The following BTBD9 variants were observed in gnomAD, a reference collection of about 807,000 sequenced individuals.
BTBD9 encodes BTB domain containing 9, also known as BTB/POZ domain-containing protein 9.
A neutral mutation model predicts 64.3 loss-of-function variants in BTBD9; 49 were observed. The ratio of observed to expected loss-of-function variants is 0.76; its 90% CI spans 0.61 to 0.97. The LOEUF is 0.97. Ranked by LOEUF, BTBD9 falls within the 50% of genes least tolerant of loss-of-function variation. BTBD9 has a pLI of 0.00. For synonymous variants in BTBD9, 260 were observed against 274.7 expected (o/e 0.95, Z 0.53); for missense variants, 598 against 762.1 (o/e 0.78, Z 2.53).
intron 7 of BTBD9, among the ~76,000 whole-genome samples, chr6:38,298,070 T>C (rs867728013): frequency 2.6e-4 from 39 of 152,048 alleles, no homozygotes; most frequent in Admixed American, 9.2e-4. Context: ...TTAGCCAGGA[T>C]GGTCTCGACC....
intron 9 of BTBD9, among the ~76,000 whole-genome samples, chr6:38,208,330 T>C (rs981536358): frequency 6.6e-6 from 1 of 152,156 alleles, no homozygotes; most frequent in African/African-American, 2.4e-5. Flanking sequence ...AGCTGCCCAC[T>C]GTCCCTCCAA....
rs1763013619 is a variant in BTBD9, at chr6:38,315,955, CTAA to C, written c.1265-27497_1265-27495del. Among the ~76,000 whole-genome samples, 3 of 152,226 alleles carry C rather than the reference CTAA, an allele frequency of 2.0e-5. No homozygotes were observed. The South Asian group carries it at 6.2e-4, about 32-fold the overall frequency. On this transcript the variant is annotated intron_variant, in intron 7 of 10. Coordinates refer to ENST00000481247, the MANE Select transcript of BTBD9 (RefSeq NM_001099272.2). Reference sequence around the variant, plus strand: ...TGTATTAGAGTCTCTCTCTTTAGCTCTAATAATATTTGCTTTATATATCAGGGT... The same window carrying C: ...TGTATTAGAGTCTCTCTCTTTAGCTCTAATATTTGCTTTATATATCAGGGT...
At chr6:38,291,441 C>T (rs187655249) in intron 7 of BTBD9, among the ~76,000 whole-genome samples, 1 of 152,188 alleles carries the variant, frequency 6.6e-6, no homozygotes, top group African/African-American at 2.4e-5. Flanking sequence ...CATCTGCAAA[C>T]AGAGACAATT....
intron 6 of BTBD9, among the ~76,000 whole-genome samples, chr6:38,413,453 AT>A (rs1279162622): frequency 6.6e-6 from 1 of 152,222 alleles, no homozygotes; most frequent in African/African-American, 2.4e-5. Flanking sequence ...CTTACACTGT[AT>A]AGGCCAAACA....
At chr6:38,251,255 A>G (rs923946859) in intron 9 of BTBD9, among the ~76,000 whole-genome samples, 1 of 151,076 alleles carries the variant, frequency 6.6e-6, no homozygotes, top group African/African-American at 2.4e-5. Context: ...AGTTAATAAA[A>G]GAGGTGTGAT....
intron 6 of BTBD9, among the ~76,000 whole-genome samples, chr6:38,363,490 G>T (rs538643497): frequency 1.7e-4 from 26 of 152,322 alleles, no homozygotes; most frequent in Non-Finnish European, 3.5e-4. Context: ...GGGGCAGAAG[G>T]ATGGCTTGAG....
intron 6 of BTBD9, among the ~76,000 whole-genome samples, chr6:38,416,636 G>A (rs772675788): frequency 2.0e-5 from 3 of 149,018 alleles, no homozygotes; most frequent in South Asian, 2.2e-4. Context: ...GAGCCACCAC[G>A]CCTGGCCCCC....
intron 8 of BTBD9, among the ~76,000 whole-genome samples, chr6:38,260,380 T>C (rs1261019952): frequency 1.3e-5 from 2 of 152,244 alleles, no homozygotes; most frequent in Non-Finnish European, 2.9e-5. Context: ...GAGCTAGGTT[T>C]ATCATATTCC....
At chr6:38,186,972 G>C (rs1038397391) in intron 10 of BTBD9, among the ~76,000 whole-genome samples, 1 of 152,212 alleles carries the variant, frequency 6.6e-6, no homozygotes. Context: ...AACAGGCGTA[G>C]CTTCTGTTTC....
intron 6 of BTBD9, among the ~76,000 whole-genome samples, chr6:38,529,022 T>C (rs1773653371): frequency 6.6e-6 from 1 of 152,142 alleles, no homozygotes; most frequent in Non-Finnish European, 1.5e-5. Flanking sequence ...TGGGTGGCAA[T>C]TCTGGACCTG....
At chr6:38,299,183 A>C (rs1762284610) in intron 7 of BTBD9, among the ~76,000 whole-genome samples, 1 of 152,328 alleles carries the variant, frequency 6.6e-6, no homozygotes, top group Non-Finnish European at 1.5e-5. Context: ...AAAGGACATG[A>C]ACTCATCATT....
chr6:38,270,879 A>T (rs1023772872), intron 8 of BTBD9, among the ~76,000 whole-genome samples: 1 of 151,942 alleles, frequency 6.6e-6, no homozygotes, highest in Non-Finnish European at 1.5e-5. Flanking sequence ...AGGAGTCCCA[A>T]CTCTGACTCT....
intron 6 of BTBD9, among the ~76,000 whole-genome samples, chr6:38,398,076 A>G (rs1371907138): frequency 6.6e-6 from 1 of 152,188 alleles, no homozygotes; most frequent in African/African-American, 2.4e-5. Context: ...GCCATAGGTG[A>G]AGAGGAGCCC....
chr6:38,464,259 T>G (rs2127356692), intron 6 of BTBD9, among the ~76,000 whole-genome samples: 1 of 152,226 alleles, frequency 6.6e-6, no homozygotes, highest in South Asian at 2.1e-4. Context: ...AAAATAAATT[T>G]CTGTTGTTTC....
intron 6 of BTBD9, among the ~76,000 whole-genome samples, chr6:38,447,792 T>C (rs1483093840): frequency 6.6e-6 from 1 of 152,228 alleles, no homozygotes. Flanking sequence ...ATGTAGTTTA[T>C]CATGTCAGAA....
chr6:38,219,967 A>G (rs1387092733), intron 9 of BTBD9, among the ~76,000 whole-genome samples: 1 of 152,242 alleles, frequency 6.6e-6, no homozygotes, highest in Non-Finnish European at 1.5e-5. Flanking sequence ...ATGGTATATC[A>G]GAGTCATGTG....
chr6:38,375,891 A>AAAG (rs1765659526), intron 6 of BTBD9, among the ~76,000 whole-genome samples: 1 of 122,260 alleles, frequency 8.2e-6, no homozygotes, highest in Non-Finnish European at 1.7e-5. Flanking sequence ...AGAAAGAAAG[A>AAAG]AAAGAAAGAA....
At chr6:38,512,510 G>A (rs1228038086) in intron 6 of BTBD9, among the ~76,000 whole-genome samples, 5 of 152,170 alleles carry the variant, frequency 3.3e-5, no homozygotes, top group Non-Finnish European at 5.9e-5. Flanking sequence ...GTGGGAGCTT[G>A]CTGACCGAGC....
chr6:38,420,860 A>G (rs570627174), intron 6 of BTBD9, among the ~76,000 whole-genome samples: 6 of 152,268 alleles, frequency 3.9e-5, no homozygotes, highest in Admixed American at 2.6e-4. Flanking sequence ...GTCTCAAATA[A>G]TAATAATAAT....
Sources: gnomAD v4.1 joint callset for allele counts (sites outside exome capture counted in the v4.1 genomes callset) on GRCh38, gnomAD v4.1.1 for gene constraint, MANE v1.5 for transcripts, NCBI Gene and HGNC (gene_info 2026-07-23, HGNC 2026-07-21) for gene names.